Variants in EDDM13 observed in about 807,000 individuals in gnomAD.
EDDM13 encodes epididymal protein 13.
In EDDM13, 24 loss-of-function variants were observed where a neutral mutation model predicts 17.8. That is an observed-to-expected ratio of 1.35 (90% CI 0.98 to 1.90). The LOEUF (loss-of-function observed/expected upper bound fraction) is 1.90. EDDM13 is among the 40% of genes most tolerant of loss of function. The pLI, the probability that EDDM13 is intolerant of heterozygous loss-of-function variation, is 0.00. For missense variants in EDDM13, 97 were observed against 100.8 expected (o/e 0.96, Z 0.16); for synonymous variants, 31 against 37.5 (o/e 0.83, Z 0.63).
intron 2 of EDDM13, among the ~76,000 whole-genome samples, chr19:56,280,250 G>C (rs1025933133): frequency 6.6e-6 from 1 of 152,170 alleles, no homozygotes; most frequent in Non-Finnish European, 1.5e-5. Flanking sequence ...AGATGACTCT[G>C]TGTCAGTTCA....
chr19:56,282,890 T>C (rs952756666), intron 4 of EDDM13: 1 of 152,234 alleles, frequency 6.6e-6, no homozygotes. Context: ...GCCTATTTAA[T>C]AATTCCTAGA....
At chr19:56,276,559 A>C (rs1600159140) in intron 2 of EDDM13, among the ~76,000 whole-genome samples, 1 of 104,378 alleles carries the variant, frequency 9.6e-6, no homozygotes, top group African/African-American at 3.0e-5. Context: ...TATTTTTGAG[A>C]CGAGCCTCGC....
At chr19:56,305,666 G>A (rs11084444) in intron 14 of EDDM13, among the ~76,000 whole-genome samples, 82,262 of 152,010 alleles carry the variant, frequency 0.54, 22,582 homozygotes, top group Middle Eastern at 0.72. Flanking sequence ...AGTAGTGAAC[G>A]GGGCAGACAA....
intron 13 of EDDM13, chr19:56,302,851 T>C (rs1312865028): frequency 2.5e-6 from 1 of 398,604 alleles, no homozygotes; most frequent in Non-Finnish European, 4.4e-6. Context: ...GGGACGTTCA[T>C]AAGGACCAAG....
chr19:56,299,140 T>C (rs1365129160), intron 12 of EDDM13, among the ~76,000 whole-genome samples: 1 of 146,930 alleles, frequency 6.8e-6, no homozygotes. Flanking sequence ...GCTTACATTA[T>C]TTTTTTTTTG....
At chr19:56,288,538 T>C (rs1427193730) in intron 7 of EDDM13, among the ~76,000 whole-genome samples, 100 bp downstream of exon 7, 1 of 152,214 alleles carries the variant, frequency 6.6e-6, no homozygotes, top group Non-Finnish European at 1.5e-5. Context: ...TTTTGCTGTC[T>C]GCTTCTCTCT....
chr19:56,283,682 C>CAG (rs140566590), intron 4 of EDDM13: 1 of 152,184 alleles, frequency 6.6e-6, no homozygotes, highest in Non-Finnish European at 1.5e-5. Flanking sequence ...TAGAAGAAGT[C>CAG]AGAGAGATCT....
chr19:56,273,623 A>G (rs903674058), intron 1 of EDDM13, among the ~76,000 whole-genome samples: 15 of 152,160 alleles, frequency 9.9e-5, no homozygotes, highest in African/African-American at 3.6e-4. Context: ...AGACTTGAAT[A>G]TGCAAAGGTC....
intron 9 of EDDM13, among the ~76,000 whole-genome samples, chr19:56,292,451 GTTTTTACTTTTTTTT>G (rs1239554892): frequency 1.4e-5 from 2 of 144,700 alleles, no homozygotes; most frequent in Non-Finnish European, 1.5e-5. Flanking sequence ...TTTTTTGTCT[GTTTTTACTTTTTTTT>G]TTTTTACTTT....
Position 56,302,009 on chromosome 19 carries a change from C to G in EDDM13, c.337C>G (p.Pro113Ala), listed in dbSNP as rs1189907612. Reference protein sequence around the residue: ...SGTTPSRKPLPKRKNTWNFLK... With the variant: ...SGTTPSRKPLAKRKNTWNFLK... ...CACCACCCCATCCAGGAAACCACTC[C>G]CCAAGAGGAAGAACACGTGGAACTT... Residue 113 changes from proline (P) to alanine (A), a missense_variant, in exon 13 of 15, where the codon CCC (proline) becomes GCC (alanine). Physicochemically the swap from Pro to Ala is conservative, Grantham distance 27. Coordinates refer to ENST00000649256, the MANE Select transcript of EDDM13 (RefSeq NM_001354658.2). 1 of 1,231,906 alleles carries G rather than the reference C, an allele frequency of 8.1e-7. No individual in the cohort carries two copies. The highest frequency in any genetic ancestry group is 1.0e-6 in the Non-Finnish European group (1 of 988,268). The allele number at this position is 1,231,906 out of a possible 1,614,324, so 76.3% of individuals were successfully genotyped here.
intron 5 of EDDM13, among the ~76,000 whole-genome samples, chr19:56,284,606 C>G (rs2038967922): frequency 6.6e-6 from 1 of 151,184 alleles, no homozygotes; most frequent in African/African-American, 2.4e-5. Context: ...CCTCTGCCTC[C>G]CGGGTTCATG....
intron 2 of EDDM13, among the ~76,000 whole-genome samples, chr19:56,279,328 G>A (rs1393856292): frequency 6.6e-6 from 1 of 152,084 alleles, no homozygotes; most frequent in African/African-American, 2.4e-5. Context: ...GTTCCTAGAG[G>A]GCAGGGACTG....
chr19:56,283,803 T>G (rs1177439473), intron 4 of EDDM13: 1 of 152,184 alleles, frequency 6.6e-6, no homozygotes, highest in Admixed American at 6.5e-5. Flanking sequence ...ATATCTGATC[T>G]CAAAGGGCTG....
At chr19:56,309,061 T>A (rs1402760689) in intron 14 of EDDM13, among the ~76,000 whole-genome samples, 2 of 152,332 alleles carry the variant, frequency 1.3e-5, no homozygotes, top group East Asian at 1.9e-4. Flanking sequence ...ACCCAACAAC[T>A]GATGAAAGGA....
chr19:56,275,802 G>A (rs2038203048), intron 1 of EDDM13, among the ~76,000 whole-genome samples: 1 of 152,188 alleles, frequency 6.6e-6, no homozygotes, highest in African/African-American at 2.4e-5. Flanking sequence ...AGCAGGGGCT[G>A]AATCTGATTT....
intron 6 of EDDM13, chr19:56,286,766 G>C (rs1486930461): frequency 6.6e-6 from 1 of 152,218 alleles, no homozygotes; most frequent in Non-Finnish European, 1.5e-5. Flanking sequence ...GGTACCCAAG[G>C]AGTTCAAGCT....
At chr19:56,302,712 TTCCC>T in intron 13 of EDDM13, 1 of 236,880 alleles carries the variant, frequency 4.2e-6, no homozygotes, top group Non-Finnish European at 8.0e-6. Flanking sequence ...TCTTTCCTTC[TTCCC>T]TCCCTCCCAC....
At chr19:56,279,905 A>G (rs906755448) in intron 2 of EDDM13, among the ~76,000 whole-genome samples, 1 of 152,110 alleles carries the variant, frequency 6.6e-6, no homozygotes, top group Non-Finnish European at 1.5e-5. Context: ...ATTTACATAA[A>G]CTTTAATTAC....
intron 6 of EDDM13, among the ~76,000 whole-genome samples, chr19:56,287,622 G>C (rs537205069): frequency 3.9e-5 from 6 of 152,288 alleles, no homozygotes; most frequent in African/African-American, 1.4e-4. Flanking sequence ...ACGAAACCAA[G>C]TACCAATCGA....
Sources: allele counts gnomAD v4.1 joint callset (sites outside exome capture counted in the v4.1 genomes callset), GRCh38; gene constraint gnomAD v4.1.1; transcripts MANE v1.5; gene names NCBI Gene and HGNC (gene_info 2026-07-23, HGNC 2026-07-21).